PAFAH1B2: variants seen among roughly 807,000 people sequenced by gnomAD.
The protein encoded by PAFAH1B2 is platelet-activating factor acetylhydrolase IB subunit alpha2.
Under a neutral mutation model 28.0 loss-of-function variants are expected in PAFAH1B2, and 8 were observed. The ratio of observed to expected loss-of-function variants is 0.29; its 90% confidence interval spans 0.17 to 0.52. PAFAH1B2 has a LOEUF of 0.52. Ranked by LOEUF, PAFAH1B2 falls within the 20% of genes least tolerant of loss-of-function variation. The pLI, the probability that PAFAH1B2 is intolerant of heterozygous loss-of-function variation, is 0.97. For synonymous variants in PAFAH1B2, 104 were observed against 103.2 expected, an observed-to-expected ratio of 1.01 and a Z score of -0.05; for missense variants, 190 against 282.6, an observed-to-expected ratio of 0.67 and a Z score of 2.35.
chr11:117,152,842 G>C (rs1300452814), intron 2 of PAFAH1B2, among the ~76,000 whole-genome samples: 1 of 152,224 alleles, frequency 6.6e-6, no homozygotes, highest in Non-Finnish European at 1.5e-5. Context: ...GGAGGCCGAG[G>C]TGGGCGGATC....
chr11:117,166,869 T>A lies in PAFAH1B2; in HGVS notation c.412-552T>A, dbSNP rs140419125. On this transcript the variant is annotated intron_variant, in intron 5 of 5. Transcript: ENST00000527958. ...GAGGTGGGAAGACCAATCAGGAGGT[T>A]TTATAGTAATTAAGATGATTGGAGA... Among the ~76,000 whole-genome samples, 12 of 152,258 alleles carry A rather than the reference T, an allele frequency of 7.9e-5. 2 individuals are homozygous for A. Among genetic ancestry groups the A allele is most frequent in the African/African-American group, 2.9e-4 (12 of 41,532 alleles).
At chr11:117,164,814 T>A (rs1444732966) in intron 5 of PAFAH1B2, among the ~76,000 whole-genome samples, 1 of 151,722 alleles carries the variant, frequency 6.6e-6, no homozygotes, top group Non-Finnish European at 1.5e-5. Context: ...GGCGGGTGGA[T>A]CACAAGGTCA....
intron 1 of PAFAH1B2, among the ~76,000 whole-genome samples, chr11:117,151,338 T>C (rs1956146726): frequency 6.6e-6 from 1 of 151,206 alleles, no homozygotes. Context: ...CAAGTGATTC[T>C]CCTACCTCAG....
exon 6 of PAFAH1B2, chr11:117,176,159 C>T: frequency 7.0e-6 from 4 of 569,052 alleles, no homozygotes; most frequent in South Asian, 4.5e-5. Flanking sequence ...TCACTTTCCT[C>T]ATCTGTATAA....
intron 1 of PAFAH1B2, among the ~76,000 whole-genome samples, chr11:117,150,398 CT>C (rs1397354918): frequency 2.0e-5 from 3 of 151,584 alleles, no homozygotes; most frequent in Admixed American, 2.0e-4. Context: ...GATCCACCTG[CT>C]TTGGCTTCCC....
downstream of PAFAH1B2, chr11:117,175,717 G>T: frequency 8.8e-7 from 1 of 1,132,200 alleles, no homozygotes; most frequent in Non-Finnish European, 1.2e-6. Context: ...AATTAAGTGT[G>T]AAGTAGGACT....
At chr11:117,160,273 A>G (rs2134196803) in intron 3 of PAFAH1B2, among the ~76,000 whole-genome samples, 1 of 152,130 alleles carries the variant, frequency 6.6e-6, no homozygotes, top group South Asian at 2.1e-4. Context: ...GCTTGATGTT[A>G]TATTTGTTTA....
At chr11:117,177,147 T>G (rs1323458240), downstream of PAFAH1B2, among the ~76,000 whole-genome samples, 1 of 152,148 alleles carries the variant, frequency 6.6e-6, no homozygotes, top group East Asian at 1.9e-4. Flanking sequence ...AGGCAGAGGT[T>G]GCAATGAGCT....
At chr11:117,175,520 G>T, downstream of PAFAH1B2, 1 of 1,098,822 alleles carries the variant, frequency 9.1e-7, no homozygotes, top group Non-Finnish European at 1.1e-6. Flanking sequence ...AAAAGGGAAG[G>T]ATCCCTTCAG....
At chr11:117,145,450 G>GT (rs1955980207) in intron 1 of PAFAH1B2, among the ~76,000 whole-genome samples, 1 of 151,888 alleles carries the variant, frequency 6.6e-6, no homozygotes. Context: ...GTTGGGCCGG[G>GT]GGTAAAGGTG....
Position 117,169,974 on chromosome 11 carries a change from C to G in PAFAH1B2, c.*2275C>G. The stretch of plus-strand genomic sequence containing the variant: ...AGCTCCTTTGCTCATGTGTACAAAC[C>G]TCAGATGTTACTACATTTTATATCT... On this transcript the variant is annotated 3_prime_UTR_variant, in exon 6 of 6. Coordinates refer to ENST00000527958, the MANE Select transcript of PAFAH1B2 (RefSeq NM_002572.4). The G allele has an allele frequency of 9.5e-7, 1 of 1,053,242 alleles. No individual in the cohort carries two copies. Among genetic ancestry groups the G allele is most frequent in the Non-Finnish European group, 1.1e-6 (1 of 871,748 alleles). The allele number at this position is 1,053,242 out of a possible 1,614,324, so 65.2% of individuals were successfully genotyped here.
chr11:117,144,931 C>T (rs1258868727), intron 1 of PAFAH1B2, among the ~76,000 whole-genome samples: 1 of 152,200 alleles, frequency 6.6e-6, no homozygotes, highest in East Asian at 1.9e-4. Context: ...CCAGTTACTC[C>T]GTTGTGTTTT....
rs1956363660 is a variant in PAFAH1B2, at chr11:117,161,255, G to A, written c.282G>A (p.Lys94=). The part of the protein sequence containing the change: ...RLKNGELENI[K]PKVIVVWVGT... ...AGAATGGAGAACTGGAGAATATTAA[G>A]CCTAAGGTGAAATGAAAGTTACTTG... is the stretch of plus-strand genomic sequence containing the variant. Residue 94 remains lysine (K), a synonymous_variant, in exon 4 of 6, where the codon AAG becomes AAA. Transcript: ENST00000527958. 2 of 1,522,098 alleles carry A rather than the reference G, an allele frequency of 1.3e-6. No homozygotes were observed. Among genetic ancestry groups the A allele is most frequent in the African/African-American group, 1.4e-5 (1 of 70,526 alleles). The allele number at this position is 1,522,098 out of a possible 1,614,324, so 94.3% of individuals were successfully genotyped here.
At chr11:117,160,381 T>C (rs980895761) in intron 3 of PAFAH1B2, among the ~76,000 whole-genome samples, 11 of 152,228 alleles carry the variant, frequency 7.2e-5, no homozygotes, top group East Asian at 1.9e-4. Flanking sequence ...TTCTTACTTA[T>C]ATTTTGCCAT....
At chr11:117,149,944 A>G (rs1591731050) in intron 1 of PAFAH1B2, among the ~76,000 whole-genome samples, 2 of 152,092 alleles carry the variant, frequency 1.3e-5, no homozygotes, top group Admixed American at 1.3e-4. Context: ...GAAAAATAGA[A>G]AAGTTAGCTG....
At chr11:117,177,318 A>G (rs1277326037), downstream of PAFAH1B2, among the ~76,000 whole-genome samples, 1 of 152,018 alleles carries the variant, frequency 6.6e-6, no homozygotes, top group African/African-American at 2.4e-5. Context: ...ACAATCCATT[A>G]TTTTTTATTT....
intron 1 of PAFAH1B2, among the ~76,000 whole-genome samples, chr11:117,150,815 G>A (rs1054383164): frequency 1.3e-5 from 2 of 151,910 alleles, no homozygotes; most frequent in South Asian, 2.1e-4. Context: ...GTGAAACCCC[G>A]TCTCTACTAA....
At chr11:117,151,155 T>C (rs1377349299) in intron 1 of PAFAH1B2, among the ~76,000 whole-genome samples, 1 of 152,114 alleles carries the variant, frequency 6.6e-6, no homozygotes, top group Admixed American at 6.6e-5. Flanking sequence ...TTATAGAAGA[T>C]TAGCAGTTCT....
intron 1 of PAFAH1B2, among the ~76,000 whole-genome samples, chr11:117,145,683 G>A (rs1156393491): frequency 6.6e-6 from 1 of 152,194 alleles, no homozygotes; most frequent in South Asian, 2.1e-4. Flanking sequence ...CGGGCATTCA[G>A]GATAAGGGCC....
Sources: gnomAD v4.1 joint callset for allele counts (sites outside exome capture counted in the v4.1 genomes callset) on GRCh38, gnomAD v4.1.1 for gene constraint, MANE v1.5 for transcripts, NCBI Gene and HGNC (gene_info 2026-07-23, HGNC 2026-07-21) for gene names.